HCRTR2: variants seen among roughly 807,000 people sequenced by gnomAD.
HCRTR2 encodes orexin receptor type 2.
Under a neutral mutation model 49.0 loss-of-function variants are expected in HCRTR2, and 22 were observed. That is an observed-to-expected ratio of 0.45 (90% CI 0.32 to 0.64). The LOEUF (loss-of-function observed/expected upper bound fraction) is 0.64, where lower values mean the gene tolerates loss of function less well. HCRTR2 is among the 30% of genes least tolerant of loss of function. HCRTR2 has a pLI of 0.04. For missense variants in HCRTR2, 491 were observed against 559.4 expected (o/e 0.88, Z 1.23); for synonymous variants, 236 against 205.3 (o/e 1.15, Z -1.28).
intron 1 of HCRTR2, among the ~76,000 whole-genome samples, chr6:55,126,443 C>G (rs1485448098): frequency 1.3e-5 from 2 of 152,188 alleles, no homozygotes; most frequent in African/African-American, 4.8e-5. Flanking sequence ...TGTAGAACAG[C>G]AAAGATTGCT....
intron 1 of HCRTR2, among the ~76,000 whole-genome samples, chr6:55,197,277 A>G (rs776945694): frequency 1.3e-5 from 2 of 152,104 alleles, no homozygotes; most frequent in Non-Finnish European, 2.9e-5. Flanking sequence ...TCTGATTCCA[A>G]TTGTAATCTA....
chr6:55,244,452 C>T (rs1766393159), intron 1 of HCRTR2, among the ~76,000 whole-genome samples: 1 of 151,850 alleles, frequency 6.6e-6, no homozygotes, highest in Non-Finnish European at 1.5e-5. Context: ...AACAATCTGA[C>T]ATTGGGTATT....
At chr6:55,200,304 G>A (rs1054771095) in intron 1 of HCRTR2, among the ~76,000 whole-genome samples, 4 of 140,956 alleles carry the variant, frequency 2.8e-5, no homozygotes, top group South Asian at 2.3e-4. Flanking sequence ...TTGCTCTGTC[G>A]CCTAGGCTGG....
chr6:55,164,127 G>C (rs571725111), intron 1 of HCRTR2, among the ~76,000 whole-genome samples: 1 of 152,316 alleles, frequency 6.6e-6, no homozygotes, highest in Admixed American at 6.5e-5. Context: ...GGAAACAACA[G>C]ATGCTGGAGA....
chr6:55,215,128 C>T (rs1765764800), intron 1 of HCRTR2, among the ~76,000 whole-genome samples: 1 of 152,108 alleles, frequency 6.6e-6, no homozygotes, highest in African/African-American at 2.4e-5. Context: ...TACTTCAGCA[C>T]ATTATAATCT....
chr6:55,141,063 G>A (rs1234642017), intron 1 of HCRTR2, among the ~76,000 whole-genome samples: 6 of 152,156 alleles, frequency 3.9e-5, no homozygotes, highest in Non-Finnish European at 5.9e-5. Context: ...GGCCGGGTGC[G>A]ACGGCTCATG....
Position 55,246,386 on chromosome 6 carries a change from T to C in HCRTR2, c.224-2253T>C, listed in dbSNP as rs115115102. 6.8e-3 allele frequency among the ~76,000 whole-genome samples: 1,030 copies of C among 152,104 alleles called. 15 individuals carry two copies. Among genetic ancestry groups the C allele is most frequent in the African/African-American group, 0.023 (960 of 41,524 alleles). ...CAGAACATGAACAAGAACTTGCTAGTAATTAAAGCCACTGCAAAATGAACT... is the reference window on the plus strand; with the variant it reads ...CAGAACATGAACAAGAACTTGCTAGCAATTAAAGCCACTGCAAAATGAACT... On this transcript the variant is annotated intron_variant, in intron 1 of 6. Coordinates refer to ENST00000370862, the MANE Select transcript of HCRTR2 (RefSeq NM_001384272.1).
chr6:55,157,985 C>A (rs76888176), intron 1 of HCRTR2, among the ~76,000 whole-genome samples: 1 of 152,294 alleles, frequency 6.6e-6, no homozygotes, highest in Non-Finnish European at 1.5e-5. Context: ...TGAACATCCA[C>A]AAGCTTTAAG....
Position 55,248,755 on chromosome 6 carries a change from G to A in HCRTR2, c.340G>A (p.Val114Met). The change falls in exon 2 of 7, where the codon GTG becomes ATG. Residue 114 changes from valine to methionine, a missense_variant. Coordinates refer to ENST00000370862, the MANE Select transcript of HCRTR2 (RefSeq NM_001384272.1). The part of the protein sequence containing the change: ...TITCLPATLV[V>M]DITETWFFGQ... ...CACCTGCCTTCCAGCCACACTGGTC[G>A]TGGATATCACTGAGACCTGGTTTTT... 1.2e-6 allele frequency: 2 copies of A among 1,613,484 alleles called. No individual in the cohort carries two copies. Among genetic ancestry groups the A allele is most frequent in the Non-Finnish European group, 1.7e-6 (2 of 1,179,540 alleles).
chr6:55,232,298 A>G (rs1487415047), intron 1 of HCRTR2, among the ~76,000 whole-genome samples: 1 of 152,170 alleles, frequency 6.6e-6, no homozygotes, highest in Non-Finnish European at 1.5e-5. Flanking sequence ...TGCACCACAC[A>G]ATTCCTAATT....
At chr6:55,168,737 T>G (rs2127266143) in intron 1 of HCRTR2, among the ~76,000 whole-genome samples, 1 of 152,208 alleles carries the variant, frequency 6.6e-6, no homozygotes, top group African/African-American at 2.4e-5. Flanking sequence ...GGGTAATTTT[T>G]TTTTTAAGTT....
intron 1 of HCRTR2, among the ~76,000 whole-genome samples, chr6:55,130,541 TTA>T (rs1438102804): frequency 1.3e-5 from 2 of 151,872 alleles, no homozygotes; most frequent in Non-Finnish European, 2.9e-5. Context: ...TTCCTTCTGT[TTA>T]TTTCCAAGGC....
intron 1 of HCRTR2, among the ~76,000 whole-genome samples, chr6:55,164,713 T>C (rs1028265694): frequency 2.0e-5 from 3 of 152,070 alleles, no homozygotes; most frequent in Non-Finnish European, 4.4e-5. Flanking sequence ...CCGTGGCACA[T>C]GTATACCTAT....
chr6:55,265,266 G>A (rs572538898), intron 4 of HCRTR2, among the ~76,000 whole-genome samples: 1 of 152,054 alleles, frequency 6.6e-6, no homozygotes, highest in South Asian at 2.1e-4. Flanking sequence ...ATATTTTAGG[G>A]TGTTTGTTAC....
chr6:55,142,807 T>A (rs535824022), intron 1 of HCRTR2, among the ~76,000 whole-genome samples: 1 of 152,004 alleles, frequency 6.6e-6, no homozygotes, highest in African/African-American at 2.4e-5. Context: ...CTATGTTTAT[T>A]TCTATACAAG....
intron 1 of HCRTR2, among the ~76,000 whole-genome samples, chr6:55,164,215 G>T (rs1764845328): frequency 6.6e-6 from 1 of 152,190 alleles, no homozygotes; most frequent in African/African-American, 2.4e-5. Context: ...AGACAGTGTG[G>T]TGATTCCTCA....
chr6:55,267,537 C>A (rs1267309835), intron 4 of HCRTR2, among the ~76,000 whole-genome samples: 1 of 150,774 alleles, frequency 6.6e-6, no homozygotes, highest in Non-Finnish European at 1.5e-5. Flanking sequence ...TTTTCTAGTT[C>A]AGACCCTTCA....
At chr6:55,223,053 C>A (rs1004790791) in intron 1 of HCRTR2, among the ~76,000 whole-genome samples, 1 of 152,036 alleles carries the variant, frequency 6.6e-6, no homozygotes, top group South Asian at 2.1e-4. Flanking sequence ...GTTAATATAT[C>A]CATATTATCA....
upstream of HCRTR2, among the ~76,000 whole-genome samples, chr6:55,169,879 C>T (rs1235413574): frequency 6.6e-6 from 1 of 151,770 alleles, no homozygotes; most frequent in Non-Finnish European, 1.5e-5. Context: ...TCCTTATACC[C>T]CAGCTCCTAG....
Sources: gnomAD v4.1 joint callset for allele counts (sites outside exome capture counted in the v4.1 genomes callset) on GRCh38, gnomAD v4.1.1 for gene constraint, MANE v1.5 for transcripts, NCBI Gene and HGNC (gene_info 2026-07-23, HGNC 2026-07-21) for gene names.